The following PCCA variants were observed in gnomAD, a reference collection of about 807,000 sequenced individuals.
PCCA encodes the protein propionyl-CoA carboxylase subunit alpha.
In PCCA, 74 loss-of-function variants were observed where a neutral mutation model predicts 101.3. That is an observed-to-expected ratio of 0.73 (90% CI 0.61 to 0.89). The LOEUF is 0.89. Among genes scored for constraint, PCCA ranks in the 40% least tolerant of loss-of-function variants. The probability of loss-of-function intolerance (pLI) is 0.00; values close to 1 mark genes in which losing one functional copy is unlikely to be tolerated. For missense variants in PCCA, 891 were observed against 907.0 expected (o/e 0.98, Z 0.23); for synonymous variants, 294 against 313.6 (o/e 0.94, Z 0.66).
At chr13:100,260,892 T>TAAA (rs767024619) in intron 9 of PCCA, among the ~76,000 whole-genome samples, 2 of 137,378 alleles carry the variant, frequency 1.5e-5, no homozygotes, top group Admixed American at 7.3e-5. Context: ...AACCATCCTT[T>TAAA]AAAAAAAAAA....
chr13:100,528,151 C>T (rs912190487), intron 23 of PCCA, among the ~76,000 whole-genome samples: 1 of 152,164 alleles, frequency 6.6e-6, no homozygotes, highest in Non-Finnish European at 1.5e-5. Context: ...AATTTCTCTA[C>T]AAAGGGAACA....
intron 12 of PCCA, among the ~76,000 whole-genome samples, chr13:100,298,478 G>C (rs1002797507): frequency 5.9e-5 from 9 of 152,140 alleles, no homozygotes; most frequent in Non-Finnish European, 1.3e-4. Context: ...GACTTCTGTA[G>C]TTACATTTTT....
At chr13:100,354,509 A>T (rs2073747767) in intron 18 of PCCA, among the ~76,000 whole-genome samples, 1 of 152,154 alleles carries the variant, frequency 6.6e-6, no homozygotes, top group African/African-American at 2.4e-5. Context: ...TGAAAACTAG[A>T]GTACAAATAA....
intron 6 of PCCA, among the ~76,000 whole-genome samples, chr13:100,201,142 A>AG (rs1447387300): frequency 6.6e-6 from 1 of 152,190 alleles, no homozygotes; most frequent in Non-Finnish European, 1.5e-5. Context: ...TTAAAAAAAA[A>AG]GTTGTACTAT....
In PCCA at chr13:100,412,801, A is replaced by G. The variant is rs558599567; in HGVS notation, c.1747-12832A>G. On this transcript the variant is annotated intron_variant, in intron 19 of 23. Coordinates refer to ENST00000376285, the MANE Select transcript of PCCA (RefSeq NM_000282.4). ...CAGTTTCTATATCTCACCTTTACCT[A>G]TCAAAGAAATTGGACAAACCATGAT... Among the ~76,000 whole-genome samples, 7 of 152,250 alleles carry G rather than the reference A, an allele frequency of 4.6e-5. 1 individual carries two copies. The highest frequency in any genetic ancestry group is 1.2e-4 in the African/African-American group (5 of 41,560).
At chr13:100,502,640 A>G (rs1160637223) in intron 21 of PCCA, among the ~76,000 whole-genome samples, 1 of 152,168 alleles carries the variant, frequency 6.6e-6, no homozygotes, top group East Asian at 1.9e-4. Context: ...TACTTTTGGC[A>G]TTTCTGGCCC....
At chr13:100,127,927 A>G (rs967771501) in intron 4 of PCCA, among the ~76,000 whole-genome samples, 4 of 152,086 alleles carry the variant, frequency 2.6e-5, no homozygotes, top group African/African-American at 9.7e-5. Context: ...TTTGATATAC[A>G]GTTTACCTTA....
At chr13:100,371,984 A>G (rs1302796975) in intron 19 of PCCA, among the ~76,000 whole-genome samples, 1 of 152,208 alleles carries the variant, frequency 6.6e-6, no homozygotes, top group Non-Finnish European at 1.5e-5. Flanking sequence ...TACTCTGTAT[A>G]CAAAACTAAC....
At chr13:100,526,787 C>T (rs753827929) in intron 22 of PCCA, among the ~76,000 whole-genome samples, 5 of 152,282 alleles carry the variant, frequency 3.3e-5, no homozygotes, top group Non-Finnish European at 7.3e-5. Flanking sequence ...CTGCAGCTCA[C>T]TCCTGCAGGG....
chr13:100,227,889 T>A (rs1339018889), intron 7 of PCCA, among the ~76,000 whole-genome samples: 5 of 152,258 alleles, frequency 3.3e-5, no homozygotes, highest in African/African-American at 1.2e-4. Flanking sequence ...TACTTTTTGT[T>A]TTCTCAATTG....
intron 8 of PCCA, among the ~76,000 whole-genome samples, chr13:100,240,546 A>G (rs2061062950): frequency 6.6e-6 from 1 of 151,682 alleles, no homozygotes; most frequent in South Asian, 2.1e-4. Context: ...TCTTATAACT[A>G]TTTTCTAAAT....
At chr13:100,307,950 C>T (rs2066593445) in intron 15 of PCCA, among the ~76,000 whole-genome samples, 1 of 152,184 alleles carries the variant, frequency 6.6e-6, no homozygotes, top group Admixed American at 6.5e-5. Context: ...CCTCCGCCTC[C>T]CAGGTTCAAG....
At chr13:100,367,785 C>CGTAGATGGGG (rs1361531568) in intron 18 of PCCA, among the ~76,000 whole-genome samples, 2 of 150,892 alleles carry the variant, frequency 1.3e-5, no homozygotes, top group African/African-American at 4.9e-5. Flanking sequence ...AGTGAAACCC[C>CGTAGATGGGG]ATCTCTACTA....
intron 17 of PCCA, among the ~76,000 whole-genome samples, chr13:100,337,199 C>T (rs1190342028): frequency 6.6e-6 from 1 of 152,146 alleles, no homozygotes; most frequent in African/African-American, 2.4e-5. Context: ...TACATTCCAG[C>T]AGGTTAGCAG....
chr13:100,310,975 C>T (rs530098294), intron 16 of PCCA, among the ~76,000 whole-genome samples: 1 of 152,230 alleles, frequency 6.6e-6, no homozygotes, highest in South Asian at 2.1e-4. Flanking sequence ...GTGGCTCACA[C>T]CCGTAATCCT....
At chr13:100,373,623 A>T (rs1399440648) in intron 19 of PCCA, among the ~76,000 whole-genome samples, 2 of 152,240 alleles carry the variant, frequency 1.3e-5, no homozygotes, top group African/African-American at 4.8e-5. Flanking sequence ...TATTGCTTCA[A>T]GAATACAAAG....
intron 12 of PCCA, among the ~76,000 whole-genome samples, chr13:100,276,388 T>C (rs1416443125): frequency 6.6e-6 from 1 of 152,210 alleles, no homozygotes; most frequent in Non-Finnish European, 1.5e-5. Flanking sequence ...TATTAATTTC[T>C]GTTTTTGTTA....
chr13:100,273,663 A>C (rs935993094), intron 12 of PCCA, among the ~76,000 whole-genome samples: 1 of 152,170 alleles, frequency 6.6e-6, no homozygotes, highest in African/African-American at 2.4e-5. Context: ...AGATATTACA[A>C]ATAGGAAGTG....
intron 19 of PCCA, among the ~76,000 whole-genome samples, chr13:100,379,884 C>T (rs1328539533): frequency 6.6e-6 from 1 of 152,076 alleles, no homozygotes; most frequent in African/African-American, 2.4e-5. Flanking sequence ...GGGGACACAC[C>T]CAAATCATGT....
Sources: allele counts gnomAD v4.1 joint callset (sites outside exome capture counted in the v4.1 genomes callset), GRCh38; gene constraint gnomAD v4.1.1; transcripts MANE v1.5; gene names NCBI Gene and HGNC (gene_info 2026-07-23, HGNC 2026-07-21).